Variants in TMEM163 observed in about 807,000 individuals in gnomAD.
TMEM163 encodes the protein transmembrane protein 163.
A neutral mutation model predicts 29.3 loss-of-function variants in TMEM163; 17 were observed. That is an observed-to-expected ratio of 0.58 (90% CI 0.40 to 0.87). The LOEUF is 0.87. Ranked by LOEUF, TMEM163 falls within the 40% of genes least tolerant of loss-of-function variation. The pLI is 0.00. For missense variants in TMEM163, 303 were observed against 381.5 expected (o/e 0.79, Z 1.71); for synonymous variants, 157 against 160.6 (o/e 0.98, Z 0.17).
At chr2:134,667,677 T>C (rs1683898023) in intron 2 of TMEM163, among the ~76,000 whole-genome samples, 1 of 152,230 alleles carries the variant, frequency 6.6e-6, no homozygotes, top group Non-Finnish European at 1.5e-5. Context: ...TCTAAAAGCA[T>C]CTGCAAAAGA....
At chr2:134,485,775 C>CCACAGAATCAAA (rs539758469) in intron 5 of TMEM163, among the ~76,000 whole-genome samples, 3 of 152,150 alleles carry the variant, frequency 2.0e-5, no homozygotes, top group Non-Finnish European at 4.4e-5. Flanking sequence ...CAGGTCTGAT[C>CCACAGAATCAAA]CACAGAATCA....
intron 2 of TMEM163, among the ~76,000 whole-genome samples, chr2:134,565,099 G>T (rs1681269075): frequency 1.3e-5 from 2 of 151,892 alleles, no homozygotes; most frequent in Non-Finnish European, 2.9e-5. Flanking sequence ...TTAGCCAGGT[G>T]TGGTAGCGCG....
intron 2 of TMEM163, among the ~76,000 whole-genome samples, chr2:134,615,544 C>T (rs558760885): frequency 6.6e-6 from 1 of 152,042 alleles, no homozygotes; most frequent in East Asian, 1.9e-4. Flanking sequence ...ATAACCAACA[C>T]CATAGACATC....
chr2:134,605,660 T>G (rs1682338378), intron 2 of TMEM163, among the ~76,000 whole-genome samples: 1 of 149,208 alleles, frequency 6.7e-6, no homozygotes, highest in Non-Finnish European at 1.5e-5. Context: ...CACTCCAGCC[T>G]GGGTGATGAG....
intron 2 of TMEM163, among the ~76,000 whole-genome samples, chr2:134,588,226 G>A (rs1157458479): frequency 6.6e-6 from 1 of 152,168 alleles, no homozygotes; most frequent in African/African-American, 2.4e-5. Context: ...CTGGAAAGCT[G>A]CTAAGTTGTT....
intron 6 of TMEM163, among the ~76,000 whole-genome samples, chr2:134,465,241 C>A (rs10928494): frequency 7.0e-6 from 1 of 142,876 alleles, no homozygotes; most frequent in Admixed American, 6.9e-5. Flanking sequence ...TACACACACA[C>A]ATACACACAC....
intron 4 of TMEM163, among the ~76,000 whole-genome samples, chr2:134,543,287 A>G (rs643796): frequency 0.61 from 92,927 of 151,476 alleles, 29,312 homozygotes; most frequent in East Asian, 0.84. Flanking sequence ...CACTACTCAA[A>G]GCAGAGGAGC....
At chr2:134,704,922 G>A (rs1377371198) in intron 2 of TMEM163, among the ~76,000 whole-genome samples, 1 of 152,060 alleles carries the variant, frequency 6.6e-6, no homozygotes, top group African/African-American at 2.4e-5. Flanking sequence ...AAATTCAAAT[G>A]TTGAGGCCGG....
intron 2 of TMEM163, among the ~76,000 whole-genome samples, chr2:134,556,280 A>G (rs1681047676): frequency 6.6e-6 from 1 of 152,222 alleles, no homozygotes; most frequent in Admixed American, 6.5e-5. Flanking sequence ...GTGTGAGTTG[A>G]GTTTCTATCA....
chr2:134,579,244 T>C (rs1053281355), intron 2 of TMEM163, among the ~76,000 whole-genome samples: 6 of 152,208 alleles, frequency 3.9e-5, no homozygotes, highest in Admixed American at 6.5e-5. Context: ...CTGGTAAACT[T>C]TCCAGTTTAT....
chr2:134,474,218 C>A (rs908926170), intron 5 of TMEM163, among the ~76,000 whole-genome samples: 2 of 152,120 alleles, frequency 1.3e-5, no homozygotes, highest in African/African-American at 4.8e-5. Context: ...AAATATCAAT[C>A]AAAGCAATTT....
intron 2 of TMEM163, among the ~76,000 whole-genome samples, chr2:134,633,996 T>A (rs1190709378): frequency 4.2e-5 from 1 of 23,818 alleles, no homozygotes; most frequent in Non-Finnish European, 9.9e-5. Flanking sequence ...TATATATATA[T>A]ATATATATAT....
chr2:134,659,331 G>A (rs1234984236), intron 2 of TMEM163, among the ~76,000 whole-genome samples: 6 of 152,158 alleles, frequency 3.9e-5, no homozygotes, highest in Non-Finnish European at 8.8e-5. Flanking sequence ...ACTTCAAAAA[G>A]AATTAGGAAA....
At chr2:134,496,361 C>T (rs113904184) in intron 5 of TMEM163, among the ~76,000 whole-genome samples, 5,009 of 152,268 alleles carry the variant, frequency 0.033, 296 homozygotes, top group African/African-American at 0.12. Context: ...CGCACCAGGC[C>T]GCAAACCTAA....
At chr2:134,514,222 G>A (rs1680006941) in intron 4 of TMEM163, among the ~76,000 whole-genome samples, 1 of 152,252 alleles carries the variant, frequency 6.6e-6, no homozygotes, top group South Asian at 2.1e-4. Context: ...AGAATGAAGA[G>A]GCCCAAGACC....
chr2:134,643,435 C>A (rs748930280), intron 2 of TMEM163, among the ~76,000 whole-genome samples: 21 of 152,132 alleles, frequency 1.4e-4, no homozygotes, highest in Non-Finnish European at 2.2e-4. Flanking sequence ...CAATTCCACA[C>A]CAAGTCTTCT....
Position 134,465,197 on chromosome 2 carries a change from A to AAAAAAAAAAC in TMEM163, c.667+916_667+917insGTTTTTTTTT, listed in dbSNP as rs1287370832. The stretch of plus-strand genomic sequence containing the variant: ...TGGTGAGTCCGCATCTTTAAAAAAA[A>AAAAAAAAAAC]AAAAAACAAAAACAAAACAAAAATA... On this transcript the variant is annotated intron_variant, in intron 6 of 7. Coordinates refer to ENST00000281924, the MANE Select transcript of TMEM163 (RefSeq NM_030923.5). 2.7e-4 allele frequency among the ~76,000 whole-genome samples: 37 copies of AAAAAAAAAAC among 136,118 alleles called. No homozygotes were observed. The East Asian group carries it at 5.8e-3, about 21-fold the overall frequency. The allele number at this position is 136,118 out of a possible 152,430, so 89.3% of individuals were successfully genotyped here. A position where few individuals can be genotyped will look rare whatever the true frequency, so the allele number is the denominator to read the frequency against.
At chr2:134,625,704 C>T (rs1188651356) in intron 2 of TMEM163, among the ~76,000 whole-genome samples, 2 of 152,166 alleles carry the variant, frequency 1.3e-5, no homozygotes, top group Non-Finnish European at 2.9e-5. Flanking sequence ...CTATGTTATT[C>T]CTGAATAGTG....
chr2:134,516,915 G>A (rs1680083257), intron 4 of TMEM163, among the ~76,000 whole-genome samples: 1 of 151,878 alleles, frequency 6.6e-6, no homozygotes, highest in Admixed American at 6.6e-5. Context: ...CCCCAAATTA[G>A]AGAACAGAGG....
Sources: allele counts gnomAD v4.1 joint callset (sites outside exome capture counted in the v4.1 genomes callset), GRCh38; gene constraint gnomAD v4.1.1; transcripts MANE v1.5; gene names NCBI Gene and HGNC (gene_info 2026-07-23, HGNC 2026-07-21).